LTBP1: variants seen among roughly 807,000 people sequenced by gnomAD.
The protein encoded by LTBP1 is latent-transforming growth factor beta-binding protein 1.
LTBP1 carries 129 observed loss-of-function variants against 207.6 expected under a neutral mutation model. The observed-to-expected ratio is 0.62, with a 90% CI of 0.54 to 0.72. LTBP1 has a LOEUF of 0.72. Ranked by LOEUF, LTBP1 falls within the 30% of genes least tolerant of loss-of-function variation. LTBP1 has a pLI of 0.00. For missense variants in LTBP1, 2,281 were observed against 2,217.2 expected (o/e 1.03, Z -0.58); for synonymous variants, 963 against 833.7 (o/e 1.16, Z -2.67).
intron 3 of LTBP1, among the ~76,000 whole-genome samples, chr2:33,103,586 C>CGTGT (rs71407500): frequency 0.11 from 12,576 of 118,016 alleles, 708 homozygotes; most frequent in Non-Finnish European, 0.13. Context: ...TCTCCGTTTA[C>CGTGT]GTGTGTGTGT....
At chr2:33,039,754 C>A (rs1481232907) in intron 3 of LTBP1, among the ~76,000 whole-genome samples, 1 of 151,900 alleles carries the variant, frequency 6.6e-6, no homozygotes, top group Non-Finnish European at 1.5e-5. Flanking sequence ...CCCTGTATTT[C>A]TTTTTCAGGA....
chr2:33,150,731 T>C (rs113644974), intron 5 of LTBP1, among the ~76,000 whole-genome samples: 11 of 128,778 alleles, frequency 8.5e-5, no homozygotes, highest in Non-Finnish European at 1.7e-4. Context: ...TTTTTTTTTT[T>C]TTTTTGAGAC....
chr2:33,285,849 G>T (rs6756709), intron 19 of LTBP1: 28,716 of 149,178 alleles, frequency 0.19, 3,335 homozygotes, highest in Non-Finnish European at 0.26. Context: ...TCCAAGGTCA[G>T]ACTAGATCGG....
At chr2:33,085,980 T>C (rs1226346933) in intron 3 of LTBP1, among the ~76,000 whole-genome samples, 1 of 152,176 alleles carries the variant, frequency 6.6e-6, no homozygotes, top group Admixed American at 6.5e-5. Flanking sequence ...ATGCAGATGG[T>C]CCATCTTGGC....
chr2:33,236,055 TA>T (rs1558862743), intron 9 of LTBP1, among the ~76,000 whole-genome samples: 1 of 152,132 alleles, frequency 6.6e-6, no homozygotes, highest in Admixed American at 6.6e-5. Context: ...ATATAATTTT[TA>T]AAAAAGATGA....
chr2:33,135,047 C>T, intron 5 of LTBP1, 87 bp downstream of exon 5: 2 of 1,331,970 alleles, frequency 1.5e-6, no homozygotes, highest in East Asian at 2.5e-5. Context: ...ATTCACACTG[C>T]TGTCTGCTTC....
At chr2:33,347,327 T>C in intron 25 of LTBP1, 40 bp from the exon 26 acceptor site, 1 of 1,612,838 alleles carries the variant, frequency 6.2e-7, no homozygotes, top group Non-Finnish European at 8.5e-7. Context: ...CTGTCGTGAA[T>C]GAGGCACACA....
At position 33,399,304 on chromosome 2, in the gene LTBP1, G is replaced by C. The variant is rs2095385571; in HGVS notation, c.*759G>C. 6.6e-6 allele frequency: 1 copy of C among 152,062 alleles called. No homozygotes were observed. The highest frequency in any genetic ancestry group is 2.4e-5 in the African/African-American group (1 of 41,394). 9.4% of individuals were successfully genotyped at this position (152,062 alleles called of 1,614,324 possible). On this transcript the variant is annotated 3_prime_UTR_variant, in exon 34 of 34. Coordinates refer to ENST00000404816, the MANE Select transcript of LTBP1 (RefSeq NM_206943.4). ...GCCCAACAAAAATTTTTAAAAATTT[G>C]ATGATCCCCAATATATCTACCATTG...
intron 3 of LTBP1, among the ~76,000 whole-genome samples, chr2:33,023,978 C>T (rs368855907): frequency 1.3e-5 from 2 of 152,198 alleles, no homozygotes; most frequent in East Asian, 3.8e-4. Flanking sequence ...ATTAAGCCTC[C>T]TTAAAGTATT....
At chr2:33,240,415 A>G (rs530865077) in intron 9 of LTBP1, among the ~76,000 whole-genome samples, 37 of 152,312 alleles carry the variant, frequency 2.4e-4, no homozygotes, top group African/African-American at 7.5e-4. Context: ...AGTTCAACCA[A>G]TGCTTTGTTC....
chr2:32,969,525 T>A lies in LTBP1; in HGVS notation c.565+20580T>A, dbSNP rs116224270. Reference sequence around the variant, plus strand: ...CACTTGGAAGTAAGAACATGCAGTATTTGGTTTTCTGTTACTGTATTAGTT... The same window carrying A: ...CACTTGGAAGTAAGAACATGCAGTAATTGGTTTTCTGTTACTGTATTAGTT... On this transcript the variant is annotated intron_variant, in intron 2 of 33. Transcript: ENST00000404816. 3.6e-3 allele frequency among the ~76,000 whole-genome samples: 548 copies of A among 152,264 alleles called. 6 individuals carry two copies. Among genetic ancestry groups the A allele is most frequent in the African/African-American group, 0.013 (532 of 41,546 alleles).
At chr2:33,133,293 T>G (rs1237782318) in intron 4 of LTBP1, among the ~76,000 whole-genome samples, 1 of 152,100 alleles carries the variant, frequency 6.6e-6, no homozygotes, top group East Asian at 1.9e-4. Context: ...CAAAGCAGTA[T>G]AAAGAGAGAC....
At chr2:32,984,999 C>G (rs1433203224) in intron 2 of LTBP1, among the ~76,000 whole-genome samples, 1 of 152,072 alleles carries the variant, frequency 6.6e-6, no homozygotes, top group Non-Finnish European at 1.5e-5. Context: ...GGCTTGATAA[C>G]ATGTAAGACA....
intron 7 of LTBP1, among the ~76,000 whole-genome samples, chr2:33,191,407 A>G (rs2087860654): frequency 6.6e-6 from 1 of 152,190 alleles, no homozygotes; most frequent in Admixed American, 6.5e-5. Context: ...TTCTTAATTC[A>G]TTTTGCATGT....
intron 25 of LTBP1, among the ~76,000 whole-genome samples, chr2:33,343,644 C>T (rs2094661349): frequency 6.6e-6 from 1 of 152,082 alleles, no homozygotes; most frequent in Admixed American, 6.6e-5. Context: ...AAAGTATTGC[C>T]AGGAGCTTCA....
intron 2 of LTBP1, among the ~76,000 whole-genome samples, chr2:32,997,357 A>G (rs760154852): frequency 1.3e-5 from 2 of 152,156 alleles, no homozygotes; most frequent in African/African-American, 2.4e-5. Flanking sequence ...AAAAAATAAA[A>G]AAATTTGCAA....
At chr2:33,147,694 C>A (rs1335489463) in intron 5 of LTBP1, among the ~76,000 whole-genome samples, 6 of 152,198 alleles carry the variant, frequency 3.9e-5, no homozygotes, top group Admixed American at 1.3e-4. Flanking sequence ...AGAGTCCTAC[C>A]AGGATGGCTT....
intron 5 of LTBP1, among the ~76,000 whole-genome samples, chr2:33,136,074 T>C (rs2082123434): frequency 6.6e-6 from 1 of 152,240 alleles, no homozygotes; most frequent in African/African-American, 2.4e-5. Context: ...TCTGCTGTTT[T>C]ATTGTGACTC....
At chr2:33,039,137 C>A (rs1014344455) in intron 3 of LTBP1, among the ~76,000 whole-genome samples, 2 of 152,100 alleles carry the variant, frequency 1.3e-5, no homozygotes, top group African/African-American at 2.4e-5. Flanking sequence ...GTTAAATTGG[C>A]CTTTGTGTGT....
Sources: gnomAD v4.1 joint callset for allele counts (sites outside exome capture counted in the v4.1 genomes callset) on GRCh38, gnomAD v4.1.1 for gene constraint, MANE v1.5 for transcripts, NCBI Gene and HGNC (gene_info 2026-07-23, HGNC 2026-07-21) for gene names.